Variants in ITIH4 observed in about 807,000 individuals in gnomAD.
The protein encoded by ITIH4 is inter-alpha-trypsin inhibitor heavy chain 4.
ITIH4 carries 79 observed loss-of-function variants against 111.8 expected under a neutral mutation model. That is an observed-to-expected ratio of 0.71 (90% CI 0.59 to 0.85). The LOEUF (loss-of-function observed/expected upper bound fraction) is 0.85, where lower values mean the gene tolerates loss of function less well. ITIH4 is among the 40% of genes least tolerant of loss of function. The pLI is 0.00. For synonymous variants in ITIH4, 472 were observed against 468.3 expected, an observed-to-expected ratio of 1.01 and a Z score of -0.10; for missense variants, 1,065 against 1,195.8, an observed-to-expected ratio of 0.89 and a Z score of 1.61.
Position 52,823,987 on chromosome 3 carries a change from T to C in ITIH4, c.1189A>G (p.Ser397Gly). ...GCTTCCCGCACGTTATTCTGGATGC[T>C]CCTGGGGTTAGTCTCCCCTGGACCC... is the stretch of plus-strand genomic sequence containing the variant. ...DPTVGETNPR[S>G]IQNNVREAVS... The change falls in exon 10 of 24, where the codon AGC becomes GGC. Residue 397 changes from serine (S) to glycine (G), a missense_variant. By Grantham distance (56) the Ser-to-Gly change is moderately conservative. Coordinates refer to ENST00000266041, the MANE Select transcript of ITIH4 (RefSeq NM_002218.5). 6.4e-7 allele frequency: 1 copy of C among 1,572,032 alleles called. No homozygotes were observed. The highest frequency in any genetic ancestry group is 8.6e-7 in the Non-Finnish European group (1 of 1,160,242).
Position 52,826,922 on chromosome 3 carries a change from C to T in ITIH4, c.388G>A (p.Val130Met). 6.2e-7 allele frequency: 1 copy of T among 1,614,116 alleles called. No homozygotes were observed. The highest frequency in any genetic ancestry group is 1.1e-5 in the South Asian group (1 of 91,074). The change falls in exon 4 of 24, where the codon GTG becomes ATG. Residue 130 changes from valine to methionine, a missense_variant. By Grantham distance (21) the Val-to-Met change is conservative (BLOSUM62 1). Transcript: ENST00000266041. ...ATGRNMEQFQ[V>M]SVSVAPNAKI... ...GCATTGGGAGCCACACTGACCGACA[C>T]CTGGAACTGCTCCATGTTTCTCCCG...
At position 52,818,522 on chromosome 3, in the gene ITIH4, G is replaced by T. The variant is rs4687657; in HGVS notation, c.2092C>A (p.Pro698Thr). 0.26 allele frequency: 423,137 copies of T among 1,601,242 alleles called. 58,684 individuals carry two copies. The highest frequency in any genetic ancestry group is 0.45 in the Admixed American group (26,373 of 58,022). The stretch of plus-strand genomic sequence containing the variant: ...GGATCAGGATTTGAGGTGGCTGGTG[G>T]TGCTGAAGCAGGCACTAGGGCAGGA... ...RRLAILPASAPPATSNPDPAV... is the reference protein window; with the variant it reads ...RRLAILPASATPATSNPDPAV... The change falls in exon 18 of 24, where the codon CCA becomes ACA. Residue 698 changes from proline to threonine, a missense_variant. Physicochemically the swap from Pro to Thr is conservative, Grantham distance 38. Coordinates refer to ENST00000266041, the MANE Select transcript of ITIH4 (RefSeq NM_002218.5).
chr3:52,815,899 T>C (rs1184095713), intron 21 of ITIH4, among the ~76,000 whole-genome samples: 1 of 152,096 alleles, frequency 6.6e-6, no homozygotes. Context: ...TTGGCCAGGC[T>C]AGTCTCAAAC....
intron 21 of ITIH4, 96 bp from the exon 22 acceptor site, chr3:52,814,459 TC>T: frequency 9.2e-7 from 1 of 1,090,184 alleles, no homozygotes; most frequent in Non-Finnish European, 1.4e-6. Context: ...TCCCCTCTTG[TC>T]CAGGAAGTCA....
In ITIH4 at chr3:52,823,972, C is replaced by G. The variant is rs74971919; in HGVS notation, c.1204G>C (p.Val402Leu). The change falls in exon 10 of 24, where the codon GTG becomes CTG. Residue 402 changes from valine to leucine, a missense_variant. Coordinates refer to ENST00000266041, the MANE Select transcript of ITIH4 (RefSeq NM_002218.5). ...ETNPRSIQNN[V>L]REAVSGRYSL... ...TACCGGCCACTTACAGCTTCCCGCA[C>G]GTTATTCTGGATGCTCCTGGGGTTA... The G allele has an allele frequency of 1.9e-6, 3 of 1,583,012 alleles. No homozygotes were observed. The African/African-American group carries it at 4.1e-5, about 21-fold the overall frequency.
chr3:52,813,916 G>A (rs1189345943), intron 23 of ITIH4, 59 bp downstream of exon 23: 4 of 1,381,802 alleles, frequency 2.9e-6, no homozygotes, highest in Non-Finnish European at 3.0e-6. Context: ...CCTGGCTCCT[G>A]GCCTGCCAGT....
Position 52,813,253 on chromosome 3 carries a change from T to C in ITIH4, c.*168A>G. The C allele has an allele frequency of 1.5e-6, 1 of 650,060 alleles. No homozygotes were observed. Among genetic ancestry groups the C allele is most frequent in the South Asian group, 1.9e-5 (1 of 53,972 alleles). 40.3% of individuals were successfully genotyped at this position (650,060 alleles called of 1,614,324 possible). ...AGGATGCGAGGTTGAGGCCCTAGGA[T>C]TTGGCCACATGGAACTGGAGACACC... On this transcript the variant is annotated 3_prime_UTR_variant, in exon 24 of 24. Transcript: ENST00000266041.
In ITIH4 at chr3:52,826,884, A is replaced by G; in HGVS notation, c.426T>C (p.Phe142=). The G allele has an allele frequency of 5.0e-6, 8 of 1,614,104 alleles. No homozygotes were observed. The highest frequency in any genetic ancestry group is 5.9e-6 in the Non-Finnish European group (7 of 1,180,026). ...VSVAPNAKIT[F]ELVYEELLKR... ...TGAGCAGCTCCTCATAGACCAGCTC[A>G]AAGGTGATCTTGGCATTGGGAGCCA... is the stretch of plus-strand genomic sequence containing the variant. Residue 142 remains phenylalanine, a synonymous_variant, in exon 4 of 24, where the codon TTT becomes TTC. Transcript: ENST00000266041.
chr3:52,816,956 T>C lies in ITIH4; in HGVS notation c.2399A>G (p.His800Arg), dbSNP rs1198946071. The change falls in exon 21 of 24, where the codon CAC (histidine) becomes CGC (arginine). Residue 800 changes from histidine to arginine, a missense_variant. Coordinates refer to ENST00000266041, the MANE Select transcript of ITIH4 (RefSeq NM_002218.5). ...PLVWVHASPE[H>R]VVVTRNRRSS... is the part of the protein sequence containing the mutation. ...TCTTCGGTTCCGAGTCACCACCACG[T>C]GTTCAGGGGATGCGTGAACCCATAC... 2 of 1,614,040 alleles carry C rather than the reference T, an allele frequency of 1.2e-6. No individual in the cohort carries two copies. Among genetic ancestry groups the C allele is most frequent in the Non-Finnish European group, 1.7e-6 (2 of 1,179,964 alleles).
intron 21 of ITIH4, 91 bp from the exon 22 acceptor site, chr3:52,814,454 T>A: frequency 8.7e-7 from 1 of 1,149,594 alleles, no homozygotes; most frequent in Non-Finnish European, 1.3e-6. Context: ...GGGCTTCCCC[T>A]CTTGTCCAGG....
Position 52,819,463 on chromosome 3 carries a change from T to C in ITIH4, c.2007A>G (p.Gln669=), listed in dbSNP as rs752649272. The C allele has an allele frequency of 3.1e-6, 5 of 1,614,090 alleles. No individual in the cohort carries two copies. The highest frequency in any genetic ancestry group is 1.6e-4 in the Middle Eastern group (1 of 6,062). ...NFRPGVLSSR[Q]LGLPGPPDVP... ...CATCAGGAGGTCCTGGGAGTCCAAG[T>C]TGCCTGGAGCTGAGAACCCCAGGTC... The change falls in exon 17 of 24, where the codon CAA becomes CAG. Residue 669 remains glutamine, a synonymous_variant. Coordinates refer to ENST00000266041, the MANE Select transcript of ITIH4 (RefSeq NM_002218.5).
At chr3:52,820,543 G>T in intron 13 of ITIH4, 88 bp downstream of exon 13, 1 of 1,475,746 alleles carries the variant, frequency 6.8e-7, no homozygotes, top group Non-Finnish European at 9.2e-7. Context: ...CACGGTTGGG[G>T]TCTTGGTCAG....
chr3:52,820,362 C>T, intron 13 of ITIH4, 45 bp from the exon 14 acceptor site: 1 of 1,590,604 alleles, frequency 6.3e-7, no homozygotes. Context: ...GACAGAGACA[C>T]AGACAGACAC....
chr3:52,827,131 G>A lies in ITIH4; in HGVS notation c.318C>T (p.Ser106=), dbSNP rs765070219. The part of the protein sequence containing the change: ...KEKAEAQAQY[S]AAVAKGKSAG... ...CGCTCTTTCCCTTGGCCACTGCTGC[G>A]CTGTACTGTGCCTGGGCTTCAGCCT... Residue 106 remains serine (S), a synonymous_variant, in exon 3 of 24, where the codon AGC becomes AGT. Coordinates refer to ENST00000266041, the MANE Select transcript of ITIH4 (RefSeq NM_002218.5). 29 of 1,614,032 alleles carry A rather than the reference G, an allele frequency of 1.8e-5. No individual in the cohort carries two copies. The highest frequency in any genetic ancestry group is 1.1e-4 in the South Asian group (10 of 91,084).
chr3:52,825,599 G>A (rs1700468237), intron 6 of ITIH4, among the ~76,000 whole-genome samples: 1 of 152,134 alleles, frequency 6.6e-6, no homozygotes. Context: ...TAGTGTGAAA[G>A]AAACTACTGC....
rs368110098 is a variant in ITIH4, at chr3:52,825,205, T to A, written c.760-247A>T. ...CAACTTTTCCTTCTATTTGTTTTAG[T>A]ATTTCAGATGGTTTATACTAAAAAG... On this transcript the variant is annotated intron_variant, in intron 6 of 23. Transcript: ENST00000266041. The A allele has an allele frequency of 5.0e-4, 158 of 317,876 alleles. No homozygotes were observed. In the South Asian group the frequency reaches 0.018, roughly 36 times the overall value. 19.7% of individuals were successfully genotyped at this position (317,876 alleles called of 1,614,324 possible).
chr3:52,824,230 G>A lies in ITIH4; in HGVS notation c.1131C>T (p.Val377=), dbSNP rs762537097. The part of the protein sequence containing the change: ...NQEERLPEGS[V]SLIILLTDGD... ...CATCGGTGAGCAGGATGATGAGTGA[G>A]ACACTCCCTTCGGGCAGCCGCTCCT... Residue 377 remains valine (V), a synonymous_variant, in exon 9 of 24, where the codon GTC becomes GTT. Coordinates refer to ENST00000266041, the MANE Select transcript of ITIH4 (RefSeq NM_002218.5). This position sits in a 1 kb window ranked among gnomAD's most constrained non-coding sequence, Gnocchi z 4.3. 5 of 1,613,428 alleles carry A rather than the reference G, an allele frequency of 3.1e-6. No homozygotes were observed. In the South Asian group the frequency reaches 5.5e-5, roughly 18 times the overall value.
At chr3:52,829,081 G>C (rs768916488) in intron 2 of ITIH4, 38 bp downstream of exon 2, 2 of 1,561,130 alleles carry the variant, frequency 1.3e-6, no homozygotes, top group Admixed American at 1.8e-5. Context: ...ATAGCACTGG[G>C]GGGTGTGGAG....
Position 52,829,233 on chromosome 3 carries a change from GA to G in ITIH4, c.136del (p.Ser46ProfsTer39), listed in dbSNP as rs756637002. 1.9e-6 allele frequency: 3 copies of G among 1,613,482 alleles called. No homozygotes were observed. In the African/African-American group the frequency reaches 4.0e-5, roughly 22 times the overall value. On this transcript the variant is annotated frameshift_variant, in exon 2 of 24. Transcript: ENST00000266041. LOFTEE classifies it high-confidence loss of function. ...YSLTVDSRVS[S>X]RFAHTVVTSR... ...GGTGACGACCGTGTGGGCAAATCGG[GA>G]TGAGACCCTGGAGTCCACGGTGAGG...
Sources: gnomAD v4.1 joint callset for allele counts (sites outside exome capture counted in the v4.1 genomes callset) on GRCh38, gnomAD v4.1.1 for gene constraint, Gnocchi (gnomAD v3.1) non-coding constraint, MANE v1.5 for transcripts, NCBI Gene and HGNC (gene_info 2026-07-23, HGNC 2026-07-21) for gene names.